The following ADK variants were observed in gnomAD, a reference collection of about 807,000 sequenced individuals.
ADK encodes N6,N6-dimethyladenosine kinase.
Under a neutral mutation model 44.7 loss-of-function variants are expected in ADK, and 24 were observed. The ratio of observed to expected loss-of-function variants is 0.54; its 90% CI spans 0.39 to 0.76. The LOEUF (loss-of-function observed/expected upper bound fraction) is 0.76. Among genes scored for constraint, ADK ranks in the 30% least tolerant of loss-of-function variants. ADK has a pLI of 0.00. For missense variants in ADK, 321 were observed against 425.1 expected, an observed-to-expected ratio of 0.76 and a Z score of 2.15; for synonymous variants, 128 against 142.6, an observed-to-expected ratio of 0.90 and a Z score of 0.73.
In ADK at chr10:74,482,664, A is replaced by G. The variant is rs1847116561; in HGVS notation, c.556-42592A>G. Among the ~76,000 whole-genome samples the G allele has an allele frequency of 2.6e-5, 4 of 152,338 alleles. No individual in the cohort carries two copies. In the South Asian group the frequency reaches 8.3e-4, roughly 32 times the overall value. ...TAAAATACAGTTAGTTACTTCCATGATACAATGGAGATACAGGCATTGGGT... is the reference window on the plus strand; with the variant it reads ...TAAAATACAGTTAGTTACTTCCATGGTACAATGGAGATACAGGCATTGGGT... On this transcript the variant is annotated intron_variant, in intron 6 of 10. Coordinates refer to ENST00000539909, the MANE Select transcript of ADK (RefSeq NM_006721.4).
chr10:74,247,224 G>GTTTTTTTTTTTTTTTTTTTTTTTTT (rs142274121), intron 3 of ADK, among the ~76,000 whole-genome samples: 4 of 72,004 alleles, frequency 5.6e-5, no homozygotes, highest in Non-Finnish European at 9.4e-5. Context: ...TTTTTTTTAA[G>GTTTTTTTTTTTTTTTTTTTTTTTTT]TTTTTTTTTT....
In ADK at chr10:74,300,316, TTCCTTCCTTCCTTCCTTCC is replaced by T. The variant is rs1564640986; in HGVS notation, c.195-14349_195-14331del. Among the ~76,000 whole-genome samples, 13 of 112,276 alleles carry T rather than the reference TTCCTTCCTTCCTTCCTTCC, an allele frequency of 1.2e-4. 1 individual carries two copies. The highest frequency in any genetic ancestry group is 3.4e-4 in the African/African-American group (10 of 29,786). 73.7% of individuals were successfully genotyped at this position (112,276 alleles called of 152,430 possible). A position where few individuals can be genotyped will look rare whatever the true frequency, so the allele number is the denominator to read the frequency against. On this transcript the variant is annotated intron_variant, in intron 3 of 10. Coordinates refer to ENST00000539909, the MANE Select transcript of ADK (RefSeq NM_006721.4). Reference sequence around the variant, plus strand: ...CTTCCTTCCTTCCTTCCTTCTTTCCTTCCTTCCTTCCTTCCTTCCTTCCTTCCTTCCTTCCTTCCTTCCT... The same window carrying T: ...CTTCCTTCCTTCCTTCCTTCTTTCCTTTCCTTCCTTCCTTCCTTCCTTCCT...
chr10:74,546,961 A>G (rs1460548377), intron 7 of ADK, among the ~76,000 whole-genome samples: 3 of 152,178 alleles, frequency 2.0e-5, no homozygotes, highest in Non-Finnish European at 2.9e-5. Context: ...AACATGTGTC[A>G]TATCACCCAG....
At chr10:74,219,386 A>G (rs1844197607) in intron 2 of ADK, among the ~76,000 whole-genome samples, 1 of 152,180 alleles carries the variant, frequency 6.6e-6, no homozygotes, top group South Asian at 2.1e-4. Flanking sequence ...TGAGTGACCT[A>G]CAAAGAGACT....
At chr10:74,572,823 G>A (rs181172784) in intron 7 of ADK, among the ~76,000 whole-genome samples, 7 of 151,912 alleles carry the variant, frequency 4.6e-5, no homozygotes, top group Admixed American at 1.3e-4. Flanking sequence ...CATTCTTCAC[G>A]TAGTTCTCGA....
intron 7 of ADK, among the ~76,000 whole-genome samples, chr10:74,533,078 A>G (rs1255212040): frequency 6.6e-6 from 1 of 152,202 alleles, no homozygotes; most frequent in African/African-American, 2.4e-5. Context: ...AAAGTATAAC[A>G]AAGTATTTAC....
intron 3 of ADK, among the ~76,000 whole-genome samples, chr10:74,228,883 C>T (rs1236311310): frequency 1.3e-5 from 2 of 152,020 alleles, no homozygotes; most frequent in Admixed American, 1.3e-4. Context: ...AACCTGGTAT[C>T]TGAAGATTTT....
chr10:74,252,488 T>C (rs1845683418), intron 3 of ADK, among the ~76,000 whole-genome samples: 1 of 152,210 alleles, frequency 6.6e-6, no homozygotes, highest in African/African-American at 2.4e-5. Flanking sequence ...GCATTACTGT[T>C]GAGACACAAT....
chr10:74,602,683 G>A (rs1852185425), intron 9 of ADK, among the ~76,000 whole-genome samples: 1 of 152,138 alleles, frequency 6.6e-6, no homozygotes, highest in Non-Finnish European at 1.5e-5. Flanking sequence ...TAAATCAAAG[G>A]ATGCACTATA....
chr10:74,373,383 A>G (rs1842728128), intron 4 of ADK, among the ~76,000 whole-genome samples: 1 of 152,190 alleles, frequency 6.6e-6, no homozygotes, highest in African/African-American at 2.4e-5. Flanking sequence ...GAAAGTGAAA[A>G]GACAACCCAC....
At chr10:74,369,907 C>G (rs951464041) in intron 4 of ADK, among the ~76,000 whole-genome samples, 5 of 152,024 alleles carry the variant, frequency 3.3e-5, no homozygotes, top group Admixed American at 2.0e-4. Flanking sequence ...CAAAAAGGTA[C>G]TAGAATGAAT....
intron 3 of ADK, among the ~76,000 whole-genome samples, chr10:74,246,984 T>TTTAA (rs1845437706): frequency 6.6e-6 from 1 of 151,790 alleles, no homozygotes; most frequent in African/African-American, 2.4e-5. Context: ...ACTTCTAATA[T>TTTAA]GATAACTAGG....
At chr10:74,169,389 T>A (rs1242671604) in intron 1 of ADK, among the ~76,000 whole-genome samples, 2 of 152,206 alleles carry the variant, frequency 1.3e-5, no homozygotes, top group African/African-American at 4.8e-5. Context: ...CTGTGCAGCA[T>A]AAATAATTGA....
chr10:74,686,925 C>T (rs1156543282), intron 10 of ADK, among the ~76,000 whole-genome samples: 3 of 152,164 alleles, frequency 2.0e-5, no homozygotes, highest in Non-Finnish European at 4.4e-5. Flanking sequence ...ATCCACCCGC[C>T]TCAACCTCCC....
intron 4 of ADK, among the ~76,000 whole-genome samples, chr10:74,339,102 T>C (rs926105328): frequency 1.3e-5 from 2 of 152,150 alleles, no homozygotes; most frequent in African/African-American, 4.8e-5. Flanking sequence ...TATAGGTGCA[T>C]GCCACCATGG....
At chr10:74,438,883 A>G (rs140950215) in intron 6 of ADK, among the ~76,000 whole-genome samples, 2 of 152,282 alleles carry the variant, frequency 1.3e-5, no homozygotes, top group African/African-American at 4.8e-5. Context: ...TCACCATTCA[A>G]AAAACTCTTT....
chr10:74,297,027 T>TA (rs1297379193), intron 3 of ADK, among the ~76,000 whole-genome samples: 1 of 152,218 alleles, frequency 6.6e-6, no homozygotes, highest in Non-Finnish European at 1.5e-5. Context: ...GACTAGGTTG[T>TA]AGCTACCCAA....
At chr10:74,473,175 C>T (rs1363975689) in intron 6 of ADK, among the ~76,000 whole-genome samples, 3 of 119,832 alleles carry the variant, frequency 2.5e-5, no homozygotes, top group African/African-American at 5.5e-5. Flanking sequence ...TATATACACA[C>T]ACATACATAT....
intron 6 of ADK, among the ~76,000 whole-genome samples, chr10:74,433,641 GA>G (rs1410709649): frequency 1.3e-5 from 2 of 152,074 alleles, no homozygotes; most frequent in Non-Finnish European, 2.9e-5. Flanking sequence ...AGTATAGAGT[GA>G]TTTTTTTATT....
Sources: allele counts gnomAD v4.1 joint callset (sites outside exome capture counted in the v4.1 genomes callset), GRCh38; gene constraint gnomAD v4.1.1; transcripts MANE v1.5; gene names NCBI Gene and HGNC (gene_info 2026-07-23, HGNC 2026-07-21).